Variants in GRM7 observed in about 807,000 individuals in gnomAD.
The protein encoded by GRM7 is metabotropic glutamate receptor 7.
In GRM7, 35 loss-of-function variants were observed where a neutral mutation model predicts 84.5. That is an observed-to-expected ratio of 0.41 (90% confidence interval 0.32 to 0.55). GRM7 has a LOEUF of 0.55. Ranked by LOEUF, GRM7 falls within the 20% of genes least tolerant of loss-of-function variation. GRM7 has a pLI of 0.19. For missense variants in GRM7, 1,003 were observed against 1,194.6 expected (o/e 0.84, Z 2.36); for synonymous variants, 487 against 455.1 (o/e 1.07, Z -0.89).
intron 4 of GRM7, among the ~76,000 whole-genome samples, chr3:7,406,954 TA>T (rs373541792): frequency 1.2e-4 from 18 of 152,008 alleles, no homozygotes; most frequent in African/African-American, 4.1e-4. Flanking sequence ...AAAAAAGATA[TA>T]AAAATATGGG....
At chr3:7,680,889 T>C (rs1383627203) in intron 9 of GRM7, 1 of 152,900 alleles carries the variant, frequency 6.5e-6, no homozygotes, top group Non-Finnish European at 1.5e-5. Flanking sequence ...AGTTTTATTC[T>C]ATGCAAGACA....
intron 7 of GRM7, among the ~76,000 whole-genome samples, chr3:7,563,385 G>T (rs1386131533): frequency 2.0e-5 from 3 of 152,044 alleles, no homozygotes; most frequent in Non-Finnish European, 4.4e-5. Context: ...TCTGCCCCAG[G>T]TTCCATATTA....
At chr3:7,378,075 A>G (rs1374708630) in intron 4 of GRM7, among the ~76,000 whole-genome samples, 1 of 152,116 alleles carries the variant, frequency 6.6e-6, no homozygotes, top group Non-Finnish European at 1.5e-5. Flanking sequence ...CTCTAATCTC[A>G]TTTCTAGACA....
At chr3:7,655,033 G>A (rs547153976) in intron 8 of GRM7, among the ~76,000 whole-genome samples, 3 of 152,128 alleles carry the variant, frequency 2.0e-5, no homozygotes, top group African/African-American at 7.2e-5. Flanking sequence ...TTCTAGTTCT[G>A]TGAACAGACC....
intron 4 of GRM7, among the ~76,000 whole-genome samples, chr3:7,382,993 G>A (rs984511509): frequency 3.9e-5 from 6 of 152,038 alleles, no homozygotes; most frequent in Admixed American, 1.3e-4. Flanking sequence ...TTTTTCAACC[G>A]TACCAAGTGG....
intron 5 of GRM7, among the ~76,000 whole-genome samples, chr3:7,427,964 T>C (rs980426277): frequency 1.3e-5 from 2 of 152,106 alleles, no homozygotes; most frequent in Non-Finnish European, 2.9e-5. Flanking sequence ...TTGTTTCTTT[T>C]GTTCCAAACT....
At chr3:7,249,923 C>T (rs1013278176) in intron 2 of GRM7, among the ~76,000 whole-genome samples, 5 of 152,142 alleles carry the variant, frequency 3.3e-5, no homozygotes, top group Admixed American at 2.0e-4. Flanking sequence ...GGTCTGCATT[C>T]AAACCAGGAA....
At position 7,053,768 on chromosome 3, in the gene GRM7, C is replaced by A. The variant is rs553032457; in HGVS notation, c.520-92684C>A. On this transcript the variant is annotated intron_variant, in intron 1 of 9. Transcript: ENST00000357716. ...TATCACATTGTCTTGATTACTACATCTTTAAGTTTTGAAGTCAGCTAATGT... is the reference window on the plus strand; with the variant it reads ...TATCACATTGTCTTGATTACTACATATTTAAGTTTTGAAGTCAGCTAATGT... 1.1e-4 allele frequency among the ~76,000 whole-genome samples: 17 copies of A among 151,440 alleles called. 2 individuals carry two copies. The South Asian group carries it at 3.5e-3, about 31-fold the overall frequency.
intron 3 of GRM7, among the ~76,000 whole-genome samples, chr3:7,299,160 T>C (rs1316236665): frequency 6.6e-6 from 1 of 152,180 alleles, no homozygotes; most frequent in East Asian, 1.9e-4. Context: ...AAAAGAAAAA[T>C]GTCTTAAAAT....
At position 7,045,920 on chromosome 3, in the gene GRM7, G is replaced by A. The variant is rs114468364; in HGVS notation, c.520-100532G>A. Reference sequence around the variant, plus strand: ...CAGAAGTGGATTTGCTGGATCACATGATAGTTCTACATGCCATTTTTTTTG... The same window carrying A: ...CAGAAGTGGATTTGCTGGATCACATAATAGTTCTACATGCCATTTTTTTTG... On this transcript the variant is annotated intron_variant, in intron 1 of 9. Transcript: ENST00000357716. 3.8e-3 allele frequency among the ~76,000 whole-genome samples: 583 copies of A among 152,134 alleles called. 3 individuals carry two copies. Among genetic ancestry groups the A allele is most frequent in the African/African-American group, 0.013 (559 of 41,510 alleles).
At chr3:7,212,257 T>C (rs887236529) in intron 2 of GRM7, among the ~76,000 whole-genome samples, 1 of 152,108 alleles carries the variant, frequency 6.6e-6, no homozygotes, top group Admixed American at 6.5e-5. Context: ...GTATTTCATT[T>C]CTGCCTAATG....
At chr3:7,490,435 G>T (rs1317193030) in intron 7 of GRM7, among the ~76,000 whole-genome samples, 23 of 152,138 alleles carry the variant, frequency 1.5e-4, no homozygotes, top group Admixed American at 1.5e-3. Flanking sequence ...GATTCATCCA[G>T]AATGGGATGC....
chr3:6,958,111 A>T (rs1693141728), intron 1 of GRM7, among the ~76,000 whole-genome samples: 1 of 151,956 alleles, frequency 6.6e-6, no homozygotes, highest in African/African-American at 2.4e-5. Flanking sequence ...ATATATACCC[A>T]CTAGCCATCA....
intron 1 of GRM7, among the ~76,000 whole-genome samples, chr3:6,905,130 C>G (rs1017571256): frequency 2.0e-5 from 3 of 152,086 alleles, no homozygotes; most frequent in Non-Finnish European, 4.4e-5. Flanking sequence ...TTCAAAATCG[C>G]TTTTTCACGC....
intron 1 of GRM7, among the ~76,000 whole-genome samples, chr3:7,112,875 A>G (rs1045020685): frequency 3.3e-5 from 5 of 152,198 alleles, no homozygotes; most frequent in Admixed American, 2.6e-4. Context: ...AAACAATAGG[A>G]CTACCACTTC....
chr3:7,073,967 G>A (rs933672739), intron 1 of GRM7, among the ~76,000 whole-genome samples: 2 of 135,946 alleles, frequency 1.5e-5, no homozygotes, highest in African/African-American at 5.9e-5. Context: ...ATTGGGGGGA[G>A]GGTGAAACAA....
chr3:7,385,545 G>A (rs981131909), intron 4 of GRM7, among the ~76,000 whole-genome samples: 3 of 151,778 alleles, frequency 2.0e-5, no homozygotes, highest in African/African-American at 4.8e-5. Flanking sequence ...CGTGATCCAC[G>A]CACCTCGGCC....
intron 8 of GRM7, among the ~76,000 whole-genome samples, chr3:7,641,074 A>C (rs1391637935): frequency 2.6e-5 from 4 of 152,186 alleles, no homozygotes; most frequent in African/African-American, 9.6e-5. Flanking sequence ...AAACTGAATA[A>C]ATTAATCATT....
At chr3:7,192,703 A>G (rs538162258) in intron 2 of GRM7, among the ~76,000 whole-genome samples, 2 of 152,074 alleles carry the variant, frequency 1.3e-5, no homozygotes, top group South Asian at 4.2e-4. Flanking sequence ...ATCTTATGCT[A>G]TCAACTCTCC....
Sources: allele counts gnomAD v4.1 joint callset (sites outside exome capture counted in the v4.1 genomes callset), GRCh38; gene constraint gnomAD v4.1.1; transcripts MANE v1.5; gene names NCBI Gene and HGNC (gene_info 2026-07-23, HGNC 2026-07-21).